The following PRKG1 variants were observed in gnomAD, a reference collection of about 807,000 sequenced individuals.
The protein encoded by PRKG1 is protein kinase cGMP-dependent 1.
PRKG1 carries 35 observed loss-of-function variants against 88.1 expected under a neutral mutation model. The ratio of observed to expected loss-of-function variants is 0.40; its 90% CI spans 0.30 to 0.53. PRKG1 has a LOEUF of 0.53. Ranked by LOEUF, PRKG1 falls within the 20% of genes least tolerant of loss-of-function variation. The probability of loss-of-function intolerance (pLI) is 0.59; values close to 1 mark genes in which losing one functional copy is unlikely to be tolerated. For missense variants in PRKG1, 540 were observed against 839.8 expected (o/e 0.64, Z 4.41); for synonymous variants, 303 against 292.5 (o/e 1.04, Z -0.37).
intron 5 of PRKG1, among the ~76,000 whole-genome samples, chr10:51,990,583 A>G (rs897070370): frequency 4.6e-5 from 7 of 151,976 alleles, no homozygotes; most frequent in Non-Finnish European, 8.8e-5. Flanking sequence ...CTTTTATTTT[A>G]AGTTCAGGAT....
chr10:51,249,596 A>G (rs942725458), intron 2 of PRKG1, among the ~76,000 whole-genome samples: 5 of 151,766 alleles, frequency 3.3e-5, no homozygotes, highest in African/African-American at 1.2e-4. Flanking sequence ...TTTTATTTGC[A>G]AAACAATTCA....
chr10:51,298,123 G>A (rs955039664), intron 2 of PRKG1, among the ~76,000 whole-genome samples: 4 of 152,042 alleles, frequency 2.6e-5, no homozygotes, highest in Non-Finnish European at 5.9e-5. Flanking sequence ...TAACAATGGT[G>A]TGTAAAGAAA....
chr10:51,435,591 G>A (rs1838904629), intron 2 of PRKG1, among the ~76,000 whole-genome samples: 1 of 151,890 alleles, frequency 6.6e-6, no homozygotes, highest in Admixed American at 6.6e-5. Context: ...TGTTTGAAAT[G>A]TCTACCTTTC....
At chr10:51,986,932 T>C (rs1589487479) in intron 5 of PRKG1, among the ~76,000 whole-genome samples, 1 of 152,142 alleles carries the variant, frequency 6.6e-6, no homozygotes, top group African/African-American at 2.4e-5. Flanking sequence ...GGGAAGTCTG[T>C]CAAGATTTTT....
intron 2 of PRKG1, among the ~76,000 whole-genome samples, chr10:51,284,280 T>C (rs149511064): frequency 6.6e-5 from 10 of 152,324 alleles, no homozygotes; most frequent in Admixed American, 6.5e-4. Flanking sequence ...CTAGTATTTA[T>C]TGCATATCTA....
intron 2 of PRKG1, among the ~76,000 whole-genome samples, chr10:51,274,430 G>T (rs1840061820): frequency 6.6e-6 from 1 of 152,180 alleles, no homozygotes; most frequent in Non-Finnish European, 1.5e-5. Context: ...AAATGAAAAT[G>T]AGAAGAATCA....
intron 3 of PRKG1, among the ~76,000 whole-genome samples, chr10:51,549,897 G>A (rs148259953): frequency 6.6e-6 from 1 of 152,112 alleles, no homozygotes; most frequent in South Asian, 2.1e-4. Flanking sequence ...TATTAGTTAG[G>A]ATGGGGGAAG....
At chr10:51,724,870 T>C (rs1052179170) in intron 3 of PRKG1, among the ~76,000 whole-genome samples, 1 of 29,572 alleles carries the variant, frequency 3.4e-5, no homozygotes, top group East Asian at 3.8e-4. Context: ...ATTTTTGTAC[T>C]TTTTTTTTTT....
chr10:51,735,930 CT>C (rs1180307253), intron 3 of PRKG1, among the ~76,000 whole-genome samples: 1,440 of 74,962 alleles, frequency 0.019, 7 homozygotes, highest in African/African-American at 0.063. Flanking sequence ...TTTAAGTTGT[CT>C]TTTTTTTTTT....
At chr10:51,839,308 A>G (rs1840208728) in intron 4 of PRKG1, among the ~76,000 whole-genome samples, 1 of 152,174 alleles carries the variant, frequency 6.6e-6, no homozygotes, top group Non-Finnish European at 1.5e-5. Context: ...TCAGAGTTTC[A>G]TATTCAAAGT....
At chr10:51,787,511 A>G (rs972122519) in intron 3 of PRKG1, among the ~76,000 whole-genome samples, 3 of 152,286 alleles carry the variant, frequency 2.0e-5, no homozygotes, top group African/African-American at 7.2e-5. Flanking sequence ...CAAGGAAGAG[A>G]TGCTGCTGGC....
intron 8 of PRKG1, among the ~76,000 whole-genome samples, chr10:52,134,151 G>C (rs1311005885): frequency 6.6e-6 from 1 of 152,226 alleles, no homozygotes; most frequent in Middle Eastern, 3.4e-3. Context: ...TGTAAACTGA[G>C]GTAATGAAAT....
intron 1 of PRKG1, among the ~76,000 whole-genome samples, chr10:51,032,358 CTT>C (rs955841566): frequency 6.8e-6 from 1 of 146,164 alleles, no homozygotes. Context: ...CCTCTTTCAT[CTT>C]TTTTTTTTTG....
intron 2 of PRKG1, among the ~76,000 whole-genome samples, chr10:51,354,899 C>T (rs1842331556): frequency 6.6e-6 from 1 of 151,868 alleles, no homozygotes; most frequent in Admixed American, 6.6e-5. Flanking sequence ...GCTGTGTAGG[C>T]TCAGATGCTG....
chr10:51,485,391 G>A (rs200324454), intron 3 of PRKG1, among the ~76,000 whole-genome samples: 13 of 152,234 alleles, frequency 8.5e-5, no homozygotes, highest in Admixed American at 4.6e-4. Context: ...CAAATCTTCC[G>A]CGGAGGGTGG....
chr10:51,146,806 A>G (rs1190187548), intron 1 of PRKG1, among the ~76,000 whole-genome samples: 1 of 152,146 alleles, frequency 6.6e-6, no homozygotes, highest in African/African-American at 2.4e-5. Flanking sequence ...ATTTATTCAA[A>G]GGAAAGAAAA....
rs890187650 is a variant in PRKG1, at chr10:52,296,990, G to C, written c.*3090G>C. 4.6e-5 allele frequency: 7 copies of C among 151,972 alleles called. No individual in the cohort carries two copies. Among genetic ancestry groups the C allele is most frequent in the Admixed American group, 3.9e-4 (6 of 15,234 alleles). The allele number at this position is 151,972 out of a possible 1,614,324, so 9.4% of individuals were successfully genotyped here. Reference sequence around the variant, plus strand: ...TTTCCTGTTTCATTTCTAAATGACTGAACTGATGGTAAACAAATTTAATGA... The same window carrying C: ...TTTCCTGTTTCATTTCTAAATGACTCAACTGATGGTAAACAAATTTAATGA... On this transcript the variant is annotated 3_prime_UTR_variant, in exon 18 of 18. Coordinates refer to ENST00000373980, the MANE Select transcript of PRKG1 (RefSeq NM_006258.4).
intron 3 of PRKG1, among the ~76,000 whole-genome samples, chr10:51,617,948 C>T (rs1839104722): frequency 6.6e-6 from 1 of 152,204 alleles, no homozygotes; most frequent in Admixed American, 6.5e-5. Flanking sequence ...AGATGCAGAA[C>T]ATCTGGAAAA....
intron 10 of PRKG1, among the ~76,000 whole-genome samples, chr10:52,265,497 G>A (rs1167638142): frequency 6.6e-6 from 1 of 152,080 alleles, no homozygotes; most frequent in African/African-American, 2.4e-5. Context: ...TTAAATGAAT[G>A]AATAGATACA....
Sources: gnomAD v4.1 joint callset for allele counts (sites outside exome capture counted in the v4.1 genomes callset) on GRCh38, gnomAD v4.1.1 for gene constraint, MANE v1.5 for transcripts, NCBI Gene and HGNC (gene_info 2026-07-23, HGNC 2026-07-21) for gene names.